The following CSMD1 variants were observed in gnomAD, a reference collection of about 807,000 sequenced individuals.
The protein encoded by CSMD1 is CUB and Sushi multiple domains 1.
A neutral mutation model predicts 417.5 loss-of-function variants in CSMD1; 213 were observed. The observed-to-expected ratio is 0.51, with a 90% CI of 0.46 to 0.57. The LOEUF is 0.57. Ranked by LOEUF, CSMD1 falls within the 20% of genes least tolerant of loss-of-function variation. CSMD1 has a pLI of 0.00. For synonymous variants in CSMD1, 2,862 were observed against 1,736.8 expected, an observed-to-expected ratio of 1.65 and a Z score of -16.11; for missense variants, 6,923 against 4,529.7, an observed-to-expected ratio of 1.53 and a Z score of -15.17.
chr8:4,129,611 T>C (rs1802974841), intron 3 of CSMD1, among the ~76,000 whole-genome samples: 1 of 152,092 alleles, frequency 6.6e-6, no homozygotes, highest in African/African-American at 2.4e-5. Context: ...ACTGACCTAC[T>C]CTGACTTGTT....
rs189652325 is a variant in CSMD1 at position 3,825,774 on chromosome 8, G to A, written c.819-71732C>T. Among the ~76,000 whole-genome samples the A allele has an allele frequency of 5.9e-5, 9 of 152,252 alleles. No individual in the cohort carries two copies. In the East Asian group the frequency reaches 1.7e-3, roughly 29 times the overall value. ...GGGCCACATGAACTGTGGAAATGTAGAATATATTCAGGCTTAGTCCAGATG... is the reference window on the plus strand; with the variant it reads ...GGGCCACATGAACTGTGGAAATGTAAAATATATTCAGGCTTAGTCCAGATG... On this transcript the variant is annotated intron_variant, in intron 5 of 69. Transcript: ENST00000635120.
chr8:3,947,809 C>T (rs1413562231), intron 5 of CSMD1, among the ~76,000 whole-genome samples: 1 of 152,174 alleles, frequency 6.6e-6, no homozygotes, highest in Non-Finnish European at 1.5e-5. Flanking sequence ...GGAAGTGTTT[C>T]ATATGGTTCA....
intron 7 of CSMD1, among the ~76,000 whole-genome samples, chr8:3,635,747 T>C (rs956232868): frequency 7.3e-6 from 1 of 136,826 alleles, no homozygotes; most frequent in Admixed American, 8.1e-5. Context: ...CCTCCCGAAG[T>C]GCTGGGATTA....
intron 5 of CSMD1, among the ~76,000 whole-genome samples, chr8:3,905,927 C>G (rs1032298929): frequency 1.3e-5 from 2 of 152,170 alleles, no homozygotes; most frequent in African/African-American, 4.8e-5. Context: ...CAATTTATAA[C>G]CATGTTTTTG....
intron 5 of CSMD1, among the ~76,000 whole-genome samples, chr8:3,808,188 T>G (rs957330944): frequency 1.3e-5 from 2 of 152,180 alleles, no homozygotes; most frequent in Non-Finnish European, 1.5e-5. Flanking sequence ...ATTAAAATTG[T>G]TTTTGCAAAA....
intron 15 of CSMD1, among the ~76,000 whole-genome samples, chr8:3,405,479 C>T (rs59765568): frequency 0.013 from 1,926 of 152,264 alleles, 44 homozygotes; most frequent in African/African-American, 0.044. Context: ...ATAAGCAACA[C>T]TGTTATAGGT....
At chr8:4,806,008 A>G (rs1798564851) in intron 1 of CSMD1, among the ~76,000 whole-genome samples, 1 of 152,150 alleles carries the variant, frequency 6.6e-6, no homozygotes, top group Admixed American at 6.5e-5. Context: ...TACTCAAAGA[A>G]TTATCTGAGT....
rs1809021345 is a variant in CSMD1 at position 3,918,915 on chromosome 8, A to C, written c.818+78988T>G. 4.1e-5 allele frequency among the ~76,000 whole-genome samples: 6 copies of C among 146,110 alleles called. No homozygotes were observed. In the South Asian group the frequency reaches 1.1e-3, roughly 27 times the overall value. On this transcript the variant is annotated intron_variant, in intron 5 of 69. Transcript: ENST00000635120. The stretch of plus-strand genomic sequence containing the variant: ...AGGGGGTGAAGGATAAAAGACTACA[A>C]ACTGGGTTCAGTGTGGGCTGCTCGG...
rs559119774 is a variant in CSMD1 at position 3,158,254 on chromosome 8, G to GTACT, written c.5845-292_5845-289dup. Among the ~76,000 whole-genome samples, 405 of 151,600 alleles carry GTACT rather than the reference G, an allele frequency of 2.7e-3. 1 individual carries two copies. The highest frequency in any genetic ancestry group is 4.6e-3 in the Non-Finnish European group (312 of 67,998). ...TCAGCTCCTTTCTTGATACTTAAGA[G>GTACT]TACTGAATTGGGCAAAATATGCATT... On this transcript the variant is annotated intron_variant, in intron 38 of 69. Transcript: ENST00000635120.
chr8:4,005,992 G>T (rs1485755356), intron 4 of CSMD1, among the ~76,000 whole-genome samples: 2 of 152,154 alleles, frequency 1.3e-5, no homozygotes, highest in African/African-American at 4.8e-5. Flanking sequence ...ACTAGAATGA[G>T]CAGAGAAGGG....
intron 3 of CSMD1, among the ~76,000 whole-genome samples, chr8:4,380,394 C>A (rs1009044756): frequency 6.6e-6 from 1 of 152,190 alleles, no homozygotes; most frequent in African/African-American, 2.4e-5. Context: ...CCAGTCAACA[C>A]ATGAGGAAAA....
At chr8:4,159,613 G>C (rs911957727) in intron 3 of CSMD1, among the ~76,000 whole-genome samples, 4 of 152,260 alleles carry the variant, frequency 2.6e-5, no homozygotes, top group Non-Finnish European at 1.5e-5. Context: ...TTGTGAGACA[G>C]AGTCTCACTC....
intron 7 of CSMD1, among the ~76,000 whole-genome samples, chr8:3,681,611 T>C (rs1020711825): frequency 3.9e-5 from 6 of 152,162 alleles, no homozygotes; most frequent in Non-Finnish European, 8.8e-5. Flanking sequence ...ATGGCCATAC[T>C]GCCCAAGGTA....
intron 5 of CSMD1, among the ~76,000 whole-genome samples, chr8:3,949,455 G>A (rs11785867): frequency 6.6e-6 from 1 of 151,930 alleles, no homozygotes. Flanking sequence ...TAAGGAAAAG[G>A]ATACATTTTA....
intron 12 of CSMD1, among the ~76,000 whole-genome samples, chr8:3,449,054 AG>A (rs1275686527): frequency 6.6e-6 from 1 of 152,226 alleles, no homozygotes; most frequent in Non-Finnish European, 1.5e-5. Flanking sequence ...GAAATGGGAA[AG>A]GATCACATGA....
At chr8:3,962,814 T>G (rs1436576321) in intron 5 of CSMD1, among the ~76,000 whole-genome samples, 1 of 152,182 alleles carries the variant, frequency 6.6e-6, no homozygotes, top group Non-Finnish European at 1.5e-5. Flanking sequence ...GGCAATAAGT[T>G]TCTTTTCACA....
In CSMD1 at chr8:3,606,878, T is replaced by C. The variant is rs570473742; in HGVS notation, c.1097+9832A>G. Among the ~76,000 whole-genome samples, 3 of 151,834 alleles carry C rather than the reference T, an allele frequency of 2.0e-5. No homozygotes were observed. In the South Asian group the frequency reaches 6.2e-4, roughly 32 times the overall value. On this transcript the variant is annotated intron_variant, in intron 8 of 69. Coordinates refer to ENST00000635120, the MANE Select transcript of CSMD1 (RefSeq NM_033225.6). The stretch of plus-strand genomic sequence containing the variant: ...GGCACCTGCCACCACGCCCGGCAAA[T>C]TTTTTTGTATTTTTGTAGAGACAGG...
chr8:4,520,202 G>A (rs1378894523), intron 2 of CSMD1, among the ~76,000 whole-genome samples: 2 of 152,094 alleles, frequency 1.3e-5, no homozygotes, highest in African/African-American at 2.4e-5. Context: ...GCAATATCGT[G>A]GCAGAAAGAT....
At chr8:3,400,347 G>A (rs984649060) in intron 15 of CSMD1, among the ~76,000 whole-genome samples, 30 of 151,900 alleles carry the variant, frequency 2.0e-4, no homozygotes, top group Admixed American at 1.3e-4. Flanking sequence ...AATAAAGTAC[G>A]TGAAAATACT....
Sources: gnomAD v4.1 joint callset for allele counts (sites outside exome capture counted in the v4.1 genomes callset) on GRCh38, gnomAD v4.1.1 for gene constraint, MANE v1.5 for transcripts, NCBI Gene and HGNC (gene_info 2026-07-23, HGNC 2026-07-21) for gene names.